Variants in B3GAT1 observed in about 807,000 individuals in gnomAD.
B3GAT1 encodes the protein galactosylgalactosylxylosylprotein 3-beta-glucuronosyltransferase 1.
Under a neutral mutation model 28.4 loss-of-function variants are expected in B3GAT1, and 11 were observed. The ratio of observed to expected loss-of-function variants is 0.39; its 90% CI spans 0.24 to 0.64. The LOEUF is 0.64. Ranked by LOEUF, B3GAT1 falls within the 30% of genes least tolerant of loss-of-function variation. The pLI, the probability that B3GAT1 is intolerant of heterozygous loss-of-function variation, is 0.50. For missense variants in B3GAT1, 375 were observed against 491.0 expected, an observed-to-expected ratio of 0.76 and a Z score of 2.23; for synonymous variants, 255 against 223.1, an observed-to-expected ratio of 1.14 and a Z score of -1.27.
intron 1 of B3GAT1, among the ~76,000 whole-genome samples, chr11:134,406,036 C>T (rs1475301200): frequency 6.6e-6 from 1 of 152,252 alleles, no homozygotes; most frequent in Non-Finnish European, 1.5e-5. Context: ...GACGAGGAAA[C>T]TGAGGCCCCA....
chr11:134,387,599 T>A lies in B3GAT1; in HGVS notation c.61A>T (p.Ile21Phe). The A allele has an allele frequency of 6.2e-7, 1 of 1,614,134 alleles. No homozygotes were observed. The highest frequency in any genetic ancestry group is 8.5e-7 in the Non-Finnish European group (1 of 1,180,038). Residue 21 changes from isoleucine (I) to phenylalanine (F), a missense_variant, in exon 2 of 6, where the codon ATC becomes TTC. By Grantham distance (21) the Ile-to-Phe change is conservative. Coordinates refer to ENST00000312527, the MANE Select transcript of B3GAT1 (RefSeq NM_054025.3). Reference protein sequence around the residue: ...VLIVLPWTLLITVWHQSTLAP... With the variant: ...VLIVLPWTLLFTVWHQSTLAP... ...AGGGTGCTCTGGTGCCAGACAGTGA[T>A]GAGCAGAGTCCAGGGCAGCACGATG...
At position 134,378,750 on chromosome 11, in the gene B3GAT1, A is replaced by G. The variant is rs1316501024; in HGVS notation, c.*2012T>C. ...CTGATTTATAACAAACTCATTCCCA[A>G]TAAAGATGAAGGCTGCAGTCCACCA... On this transcript the variant is annotated 3_prime_UTR_variant, in exon 6 of 6. Transcript: ENST00000312527. 6.6e-6 allele frequency: 1 copy of G among 152,236 alleles called. No homozygotes were observed. The highest frequency in any genetic ancestry group is 1.5e-5 in the Non-Finnish European group (1 of 68,048). The allele number at this position is 152,236 out of a possible 1,614,324, so 9.4% of individuals were successfully genotyped here.
rs1270003881 is a variant in B3GAT1, at chr11:134,411,693, C to CACACACAT, written c.-282+113_-282+114insATGTGTGT. The CACACACAT allele has an allele frequency of 7.8e-5, 12 of 153,054 alleles. No homozygotes were observed. The highest frequency in any genetic ancestry group is 2.9e-4 in the African/African-American group (12 of 41,488). 9.5% of individuals were successfully genotyped at this position (153,054 alleles called of 1,614,324 possible). ...GCGCACACACACACACACACACACA[C>CACACACAT]ACACACACACACCCCAGCGCGCGCC... On this transcript the variant is annotated intron_variant, in intron 1 of 5. Transcript: ENST00000312527. The surrounding 1 kb of genome is among the most constrained non-coding windows in gnomAD (Gnocchi z 6.0).
intron 1 of B3GAT1, among the ~76,000 whole-genome samples, chr11:134,395,595 C>A (rs1011325267): frequency 2.6e-5 from 4 of 152,178 alleles, no homozygotes; most frequent in African/African-American, 9.6e-5. Flanking sequence ...TTGTACAGAA[C>A]CCTGGAGCCC....
At chr11:134,401,896 C>T (rs767845864) in intron 1 of B3GAT1, among the ~76,000 whole-genome samples, 3 of 140,804 alleles carry the variant, frequency 2.1e-5, no homozygotes, top group African/African-American at 5.3e-5. Context: ...CAGCACGAGG[C>T]GGTGCTGTGG....
chr11:134,383,595 C>T (rs1944189084), intron 3 of B3GAT1, 85 bp downstream of exon 3: 3 of 1,434,488 alleles, frequency 2.1e-6, no homozygotes, highest in African/African-American at 1.4e-5. Flanking sequence ...CTGCGCGCGC[C>T]TCCGCACCCA....
chr11:134,386,911 CAG>C (rs2136310434), intron 2 of B3GAT1: 2 of 152,680 alleles, frequency 1.3e-5, no homozygotes, highest in East Asian at 3.9e-4. Context: ...TTCCTAGTGA[CAG>C]TACACACCTT....
intron 1 of B3GAT1, among the ~76,000 whole-genome samples, chr11:134,405,337 CA>C (rs1182180337): frequency 6.6e-6 from 1 of 152,236 alleles, no homozygotes; most frequent in Non-Finnish European, 1.5e-5. Context: ...AGGCACCGGG[CA>C]GCCCCAAACC....
intron 2 of B3GAT1, 39 bp from the exon 3 acceptor site, chr11:134,384,227 C>T (rs1467361366): frequency 2.6e-6 from 4 of 1,510,480 alleles, no homozygotes; most frequent in African/African-American, 1.4e-5. Context: ...GAGGAGAGCG[C>T]CGGCTACGGC....
rs979643937 is a variant in B3GAT1, at chr11:134,382,837, A to T, written c.791T>A (p.Leu264His). The T allele has an allele frequency of 1.9e-6, 3 of 1,614,088 alleles. No individual in the cohort carries two copies. Among genetic ancestry groups the T allele is most frequent in the Non-Finnish European group, 2.5e-6 (3 of 1,180,038 alleles). Residue 264 changes from leucine to histidine, a missense_variant, in exon 4 of 6, where the codon CTC becomes CAC. Coordinates refer to ENST00000312527, the MANE Select transcript of B3GAT1 (RefSeq NM_054025.3). Reference sequence around the variant, plus strand: ...GTAGGCCTGGCTTCGCTGCAGAATGAGCCGCAGGTTGACGGCAAATCCAGC... The same window carrying T: ...GTAGGCCTGGCTTCGCTGCAGAATGTGCCGCAGGTTGACGGCAAATCCAGC... ...DMAGFAVNLR[L>H]ILQRSQAYFK...
chr11:134,388,649 GT>G (rs1267352922), intron 1 of B3GAT1: 1 of 152,190 alleles, frequency 6.6e-6, no homozygotes, highest in Non-Finnish European at 1.5e-5. Context: ...TTCTTCTCAT[GT>G]TTACAGTCAT....
chr11:134,405,912 C>T (rs1234871987), intron 1 of B3GAT1, among the ~76,000 whole-genome samples: 2 of 152,256 alleles, frequency 1.3e-5, no homozygotes, highest in African/African-American at 2.4e-5. Flanking sequence ...CACCTTCCAC[C>T]CCTGGTGGCT....
At chr11:134,392,058 G>C (rs1050492438) in intron 1 of B3GAT1, 1 of 152,396 alleles carries the variant, frequency 6.6e-6, no homozygotes, top group East Asian at 1.9e-4. Flanking sequence ...AAGTTTCAAC[G>C]ATCCTGCCAT....
At chr11:134,402,282 T>G (rs1312268864) in intron 1 of B3GAT1, among the ~76,000 whole-genome samples, 3 of 152,106 alleles carry the variant, frequency 2.0e-5, no homozygotes, top group African/African-American at 7.2e-5. Flanking sequence ...CCCTGCCCAG[T>G]CTGGTCCTGT....
Position 134,412,098 on chromosome 11 carries a change from G to GGCGGGGAGGGGGA in B3GAT1, c.-586_-574dup, listed in dbSNP as rs1212987343. On this transcript the variant is annotated 5_prime_UTR_variant, in exon 1 of 6. Transcript: ENST00000312527. ...GCGGGCAGGGAGGCGGGGGGCGGGG[G>GGCGGGGAGGGGGA]GCGGGGAGGGGGAGCGGGGAGGGGG... Among the ~76,000 whole-genome samples, 11 of 48,260 alleles carry GGCGGGGAGGGGGA rather than the reference G, an allele frequency of 2.3e-4. No individual in the cohort carries two copies. The highest frequency in any genetic ancestry group is 1.4e-3 in the East Asian group (1 of 700). The allele number at this position is 48,260 out of a possible 152,430, so 31.7% of individuals were successfully genotyped here.
At chr11:134,410,152 G>A (rs894714684) in intron 1 of B3GAT1, among the ~76,000 whole-genome samples, 42 of 152,204 alleles carry the variant, frequency 2.8e-4, no homozygotes, top group African/African-American at 9.4e-4. Context: ...CTTGGTCTCC[G>A]CCACGGGCTC....
At chr11:134,410,272 C>T (rs568774054) in intron 1 of B3GAT1, among the ~76,000 whole-genome samples, 6 of 152,338 alleles carry the variant, frequency 3.9e-5, no homozygotes, top group Middle Eastern at 3.4e-3. Flanking sequence ...TTCAACACAG[C>T]GCCTGCAAGC....
At position 134,393,891 on chromosome 11, in the gene B3GAT1, C is replaced by T. The variant is rs1270178176; in HGVS notation, c.-281-5951G>A. Among the ~76,000 whole-genome samples, 1 of 152,236 alleles carries T rather than the reference C, an allele frequency of 6.6e-6. No homozygotes were observed. The highest frequency in any genetic ancestry group is 2.4e-5 in the African/African-American group (1 of 41,472). On this transcript the variant is annotated intron_variant, in intron 1 of 5. Coordinates refer to ENST00000312527, the MANE Select transcript of B3GAT1 (RefSeq NM_054025.3). This position sits in a 1 kb window ranked among gnomAD's most constrained non-coding sequence, Gnocchi z 4.0. The stretch of plus-strand genomic sequence containing the variant: ...CAGTGCCCCCAAAGAGAGGGAGGGA[C>T]AGGCTTTGTCCCACAGATCTCCAGG...
intron 1 of B3GAT1, among the ~76,000 whole-genome samples, chr11:134,404,027 A>ATATATATATTTATTTATTTATTTATT (rs1555098477): frequency 9.4e-6 from 1 of 106,762 alleles, no homozygotes; most frequent in Non-Finnish European, 1.9e-5. Context: ...ATATATATAT[A>ATATATATATTTATTTATTTATTTATT]TATTTATTAT....
Sources: allele counts gnomAD v4.1 joint callset (sites outside exome capture counted in the v4.1 genomes callset), GRCh38; gene constraint gnomAD v4.1.1; non-coding constraint Gnocchi (gnomAD v3.1); transcripts MANE v1.5; gene names NCBI Gene and HGNC (gene_info 2026-07-23, HGNC 2026-07-21).